Variants in AGBL1 observed in about 807,000 individuals in gnomAD.
AGBL1 encodes AGBL carboxypeptidase 1, also known as cytosolic carboxypeptidase 4.
In AGBL1, 130 loss-of-function variants were observed where a neutral mutation model predicts 118.9. The ratio of observed to expected loss-of-function variants is 1.09; its 90% CI spans 0.95 to 1.26. The LOEUF (loss-of-function observed/expected upper bound fraction) is 1.26, where lower values mean the gene tolerates loss of function less well. Ranked by LOEUF, AGBL1 falls within the 50% of genes most tolerant of loss-of-function variation. The pLI, the probability that AGBL1 is intolerant of heterozygous loss-of-function variation, is 0.00. For synonymous variants in AGBL1, 555 were observed against 478.9 expected (o/e 1.16, Z -2.08); for missense variants, 1,584 against 1,298.1 (o/e 1.22, Z -3.38).
chr15:86,421,926 T>A (rs1030842621), intron 18 of AGBL1, among the ~76,000 whole-genome samples: 6 of 152,196 alleles, frequency 3.9e-5, no homozygotes, highest in African/African-American at 1.2e-4. Context: ...ATGCACCCAA[T>A]ACAGGAACAC....
intron 24 of AGBL1, among the ~76,000 whole-genome samples, chr15:87,002,252 T>A (rs1296268116): frequency 1.3e-5 from 2 of 152,128 alleles, no homozygotes; most frequent in South Asian, 4.1e-4. Flanking sequence ...CCCCATTTCT[T>A]GTTTTTGTCA....
At chr15:86,476,275 C>T (rs1395773420) in intron 18 of AGBL1, among the ~76,000 whole-genome samples, 17 of 152,154 alleles carry the variant, frequency 1.1e-4, no homozygotes, top group Admixed American at 9.2e-4. Flanking sequence ...AATTAAAAGA[C>T]ACAGACTGGC....
chr15:86,551,721 T>C (rs765205678), intron 20 of AGBL1, among the ~76,000 whole-genome samples: 10 of 152,140 alleles, frequency 6.6e-5, no homozygotes, highest in Non-Finnish European at 1.3e-4. Flanking sequence ...GTTATCCTGA[T>C]ACCAAAGCCA....
chr15:86,295,079 G>A (rs2079611364), intron 16 of AGBL1, among the ~76,000 whole-genome samples, 176 bp from the exon 17 acceptor site: 1 of 152,156 alleles, frequency 6.6e-6, no homozygotes, highest in Non-Finnish European at 1.5e-5. Context: ...CAGTCTCACT[G>A]AGTTTCTCCT....
chr15:86,397,664 G>A, intron 18 of AGBL1, 118 bp downstream of exon 18: 1 of 870,784 alleles, frequency 1.1e-6, no homozygotes, highest in Non-Finnish European at 1.8e-6. Flanking sequence ...TAAACTCTTG[G>A]TTTTCTGTTT....
intron 13 of AGBL1, among the ~76,000 whole-genome samples, chr15:86,267,431 T>G (rs1350005489): frequency 6.6e-6 from 1 of 152,226 alleles, no homozygotes; most frequent in Non-Finnish European, 1.5e-5. Context: ...GTTTATACTT[T>G]GATGCCAAGG....
At chr15:86,744,284 A>G (rs1258653004) in intron 22 of AGBL1, among the ~76,000 whole-genome samples, 1 of 152,150 alleles carries the variant, frequency 6.6e-6, no homozygotes, top group African/African-American at 2.4e-5. Context: ...GCATATTTAT[A>G]TATTCTGCCA....
chr15:86,295,138 AG>A (rs1379678225), intron 16 of AGBL1, 116 bp from the exon 17 acceptor site: 19 of 1,261,148 alleles, frequency 1.5e-5, no homozygotes, highest in Non-Finnish European at 2.0e-5. Context: ...CAATACATAA[AG>A]GACAGATTAG....
At chr15:86,253,568 G>A (rs550414749) in intron 7 of AGBL1, among the ~76,000 whole-genome samples, 1 of 152,212 alleles carries the variant, frequency 6.6e-6, no homozygotes, top group African/African-American at 2.4e-5. Context: ...TTGTAAGGAG[G>A]CACGAAGGAG....
chr15:86,620,228 A>G (rs1245945077), intron 21 of AGBL1, among the ~76,000 whole-genome samples: 1 of 152,168 alleles, frequency 6.6e-6, no homozygotes, highest in Admixed American at 6.5e-5. Flanking sequence ...TCAGGGCAGG[A>G]GGATTCCGGG....
At chr15:86,998,746 T>A (rs879345051) in intron 24 of AGBL1, among the ~76,000 whole-genome samples, 1 of 152,190 alleles carries the variant, frequency 6.6e-6, no homozygotes, top group African/African-American at 2.4e-5. Context: ...GGTTGAGATA[T>A]AAGCATGACT....
rs140386556 is a variant in AGBL1, at chr15:86,753,293, C to T, written c.3158+78857C>T. Among the ~76,000 whole-genome samples, 1,423 of 151,828 alleles carry T rather than the reference C, an allele frequency of 9.4e-3. 53 individuals carry two copies. The highest frequency in any genetic ancestry group is 0.068 in the Admixed American group (1,042 of 15,252). ...CTGACCAATGATGAGGCACCAGGTA[C>T]GTTTTTATGTCTGCTTCAAGGAGCT... On this transcript the variant is annotated intron_variant, in intron 22 of 22. Coordinates refer to ENST00000614907, the MANE Select transcript of AGBL1 (RefSeq NM_001386094.1).
chr15:86,691,494 AG>A (rs1318100026), intron 22 of AGBL1, among the ~76,000 whole-genome samples: 1 of 152,168 alleles, frequency 6.6e-6, no homozygotes. Context: ...GACTCCTGAA[AG>A]GCACATGTGT....
chr15:86,711,739 C>A (rs915067354), intron 22 of AGBL1, among the ~76,000 whole-genome samples: 2 of 152,120 alleles, frequency 1.3e-5, no homozygotes, highest in Non-Finnish European at 2.9e-5. Context: ...CATGCTATTG[C>A]CTGTGGCTGC....
chr15:86,146,513 T>C (rs565600180), intron 3 of AGBL1, among the ~76,000 whole-genome samples: 14 of 152,120 alleles, frequency 9.2e-5, no homozygotes, highest in Non-Finnish European at 1.6e-4. Flanking sequence ...CAGGGTGCTG[T>C]GAGGATTAAA....
chr15:86,327,684 A>G (rs1365994264), intron 17 of AGBL1, among the ~76,000 whole-genome samples: 1 of 152,244 alleles, frequency 6.6e-6, no homozygotes, highest in African/African-American at 2.4e-5. Flanking sequence ...GGTGAGTCAT[A>G]GGAAATTCAG....
chr15:86,362,715 A>G (rs543795062), intron 17 of AGBL1, among the ~76,000 whole-genome samples: 1 of 152,322 alleles, frequency 6.6e-6, no homozygotes, highest in African/African-American at 2.4e-5. Flanking sequence ...CCAGGCAGGC[A>G]GGGCTGACTC....
In AGBL1 at chr15:86,271,703, AC is replaced by A; in HGVS notation, c.2073del (p.Tyr691Ter). 2 of 1,611,758 alleles carry A rather than the reference AC, an allele frequency of 1.2e-6. No individual in the cohort carries two copies. Among genetic ancestry groups the A allele is most frequent in the Non-Finnish European group, 1.7e-6 (2 of 1,177,888 alleles). On this transcript the variant is annotated frameshift_variant and splice_region_variant, in exon 15 of 23. Transcript: ENST00000614907. LOFTEE classifies it high-confidence loss of function. ...WIRTGHEICY[Y>X]KNHYRQSTAV... The stretch of plus-strand genomic sequence containing the variant: ...AGGACAGGCCATGAAATATGTTATT[AC>A]AAGTAAGTTAGAGCGCTGTTAGCTT...
intron 18 of AGBL1, among the ~76,000 whole-genome samples, chr15:86,420,020 G>A (rs889639592): frequency 7.2e-5 from 11 of 152,168 alleles, no homozygotes; most frequent in Non-Finnish European, 1.3e-4. Flanking sequence ...TGGGGGAAGG[G>A]GTGGCTGTGG....
Sources: allele counts gnomAD v4.1 joint callset (sites outside exome capture counted in the v4.1 genomes callset), GRCh38; gene constraint gnomAD v4.1.1; transcripts MANE v1.5; gene names NCBI Gene and HGNC (gene_info 2026-07-23, HGNC 2026-07-21).